ASTN1: variants seen among roughly 807,000 people sequenced by gnomAD.
The protein encoded by ASTN1 is astrotactin 1.
ASTN1 carries 41 observed loss-of-function variants against 140.7 expected under a neutral mutation model. The observed-to-expected ratio is 0.29, with a 90% CI of 0.23 to 0.38. ASTN1 has a LOEUF of 0.38. Ranked by LOEUF, ASTN1 falls within the 10% of genes least tolerant of loss-of-function variation. ASTN1 has a pLI of 1.00. For synonymous variants in ASTN1, 640 were observed against 652.2 expected, an observed-to-expected ratio of 0.98 and a Z score of 0.29; for missense variants, 1,479 against 1,678.8, an observed-to-expected ratio of 0.88 and a Z score of 2.08.
intron 2 of ASTN1, among the ~76,000 whole-genome samples, chr1:177,044,507 T>C (rs903840588): frequency 6.6e-6 from 1 of 152,204 alleles, no homozygotes; most frequent in Non-Finnish European, 1.5e-5. Context: ...GGCGCAGGCC[T>C]GGCGCTCACC....
chr1:177,021,199 T>C (rs1343754618), intron 7 of ASTN1, among the ~76,000 whole-genome samples: 3 of 152,246 alleles, frequency 2.0e-5, no homozygotes, highest in Non-Finnish European at 4.4e-5. Flanking sequence ...AAAATGAAGA[T>C]GCTGCACCTT....
intron 1 of ASTN1, among the ~76,000 whole-genome samples, chr1:177,109,822 C>T (rs1680733665): frequency 6.6e-6 from 1 of 152,184 alleles, no homozygotes; most frequent in African/African-American, 2.4e-5. Context: ...TAGAGAATCA[C>T]AATTCTCTCC....
chr1:176,993,221 G>A (rs1674272513), intron 8 of ASTN1, among the ~76,000 whole-genome samples: 1 of 152,308 alleles, frequency 6.6e-6, no homozygotes, highest in Non-Finnish European at 1.5e-5. Flanking sequence ...AACAGCTACT[G>A]TATGACTTAG....
At chr1:176,902,524 T>C (rs1669813116) in intron 16 of ASTN1, among the ~76,000 whole-genome samples, 1 of 152,220 alleles carries the variant, frequency 6.6e-6, no homozygotes, top group South Asian at 2.1e-4. Flanking sequence ...TAGGTTTATG[T>C]TAAACTGAGG....
In ASTN1 at chr1:176,864,338, C is replaced by T; in HGVS notation, c.3831G>A (p.Glu1277=). 1 of 1,614,102 alleles carries T rather than the reference C, an allele frequency of 6.2e-7. No homozygotes were observed. Among genetic ancestry groups the T allele is most frequent in the Non-Finnish European group, 8.5e-7 (1 of 1,180,004 alleles). The change falls in exon 23 of 23, where the codon GAG becomes GAA. Residue 1277 remains glutamate, a synonymous_variant. Transcript: ENST00000361833. ...TGTAGGGGATACTCAGGGTCTGCTC[C>T]TCACACGTCTTCCTGAGGTCCCGGC... is the stretch of plus-strand genomic sequence containing the variant. ...ELSRDLRKTC[E]EQTLSIPYND...
intron 9 of ASTN1, among the ~76,000 whole-genome samples, chr1:176,959,889 T>C (rs1672581212): frequency 6.6e-6 from 1 of 151,976 alleles, no homozygotes; most frequent in Non-Finnish European, 1.5e-5. Flanking sequence ...CTCACAGGAG[T>C]ATCAAGCAGT....
Position 177,014,797 on chromosome 1 carries a change from T to G in ASTN1, c.1517A>C (p.Asn506Thr), listed in dbSNP as rs762428074. The G allele has an allele frequency of 4.4e-5, 71 of 1,613,312 alleles. No homozygotes were observed. Among genetic ancestry groups the G allele is most frequent in the Non-Finnish European group, 5.8e-5 (68 of 1,179,472 alleles). ...TCGTCATGCCCTCACTTACCCCTGG[T>G]TTGTCCCCCATTCGTTCCGAATGCA... ...HLCIRNEWGT[N>T]QGPWPYTIFQ... The change falls in exon 8 of 23, where the codon AAC (asparagine) becomes ACC (threonine). Residue 506 changes from asparagine to threonine, a missense_variant. Coordinates refer to ENST00000361833, the MANE Select transcript of ASTN1 (RefSeq NM_004319.3).
rs534510812 is a variant in ASTN1, at chr1:176,922,282, C to T, written c.2671+11870G>A. ...GAGGAATCAGAGTTATCTGCACCTG[C>T]ATTTGTATGCAGCCTGTGGAACCAG... On this transcript the variant is annotated intron_variant, in intron 16 of 22. Coordinates refer to ENST00000361833, the MANE Select transcript of ASTN1 (RefSeq NM_004319.3). Among the ~76,000 whole-genome samples the T allele has an allele frequency of 7.9e-4, 121 of 152,264 alleles. No individual in the cohort carries two copies. In the Middle Eastern group the frequency reaches 0.02, roughly 26 times the overall value.
intron 1 of ASTN1, among the ~76,000 whole-genome samples, chr1:177,077,707 C>A (rs532091443): frequency 1.4e-3 from 215 of 152,290 alleles, no homozygotes; most frequent in South Asian, 4.6e-3. Context: ...AGACAGTAGG[C>A]CAGTGCCTCG....
intron 16 of ASTN1, among the ~76,000 whole-genome samples, chr1:176,912,681 C>T (rs957356611): frequency 6.6e-6 from 1 of 152,136 alleles, no homozygotes; most frequent in Non-Finnish European, 1.5e-5. Context: ...TTCTTTTAAC[C>T]ACTAAGCTAT....
intron 16 of ASTN1, among the ~76,000 whole-genome samples, chr1:176,929,648 C>A (rs1270654157): frequency 2.0e-5 from 3 of 152,146 alleles, no homozygotes; most frequent in African/African-American, 7.2e-5. Flanking sequence ...GCTGTTCGTG[C>A]TGAGAAGGCA....
chr1:177,081,739 A>G (rs953172378), intron 1 of ASTN1, among the ~76,000 whole-genome samples: 8 of 152,144 alleles, frequency 5.3e-5, no homozygotes, highest in Admixed American at 5.2e-4. Context: ...AGAGGATATC[A>G]TGTTCCCTGT....
At chr1:176,933,484 G>A (rs1158562891) in intron 16 of ASTN1, among the ~76,000 whole-genome samples, 1 of 152,160 alleles carries the variant, frequency 6.6e-6, no homozygotes, top group African/African-American at 2.4e-5. Context: ...TGGTTGATCA[G>A]ATACAAATAT....
chr1:177,029,706 C>T lies in ASTN1; in HGVS notation c.1048G>A (p.Gly350Ser). Residue 350 changes from glycine (G) to serine (S), a missense_variant, in exon 5 of 23, where the codon GGC becomes AGC. Gly to Ser is a moderately conservative substitution (Grantham distance 56). Around this residue, in one of 3 missense-constraint regions of ASTN1, gnomAD observed 729 missense variants for 860.4 expected, o/e 0.85. Transcript: ENST00000361833. Reference protein sequence around the residue: ...SAFLNPEGDSGTEAENDPQLT... With the variant: ...SAFLNPEGDSSTEAENDPQLT... ...TGGGGGTCGTTTTCTGCCTCTGTGCCAGAATCCCCTTCAGGGTTCAAGAAG... is the reference window on the plus strand; with the variant it reads ...TGGGGGTCGTTTTCTGCCTCTGTGCTAGAATCCCCTTCAGGGTTCAAGAAG... The T allele has an allele frequency of 1.2e-6, 2 of 1,613,448 alleles. No homozygotes were observed. The highest frequency in any genetic ancestry group is 1.7e-6 in the Non-Finnish European group (2 of 1,179,722).
chr1:176,985,809 C>T (rs1191920144), intron 8 of ASTN1, among the ~76,000 whole-genome samples: 1 of 149,894 alleles, frequency 6.7e-6, no homozygotes, highest in Non-Finnish European at 1.5e-5. Flanking sequence ...CATCTTTAGT[C>T]CTAGCTATTT....
chr1:176,984,321 T>C (rs1464478000), intron 8 of ASTN1, among the ~76,000 whole-genome samples: 1 of 152,190 alleles, frequency 6.6e-6, no homozygotes, highest in East Asian at 1.9e-4. Flanking sequence ...CTTTCTCCAA[T>C]TTTAAGTGAT....
intron 1 of ASTN1, among the ~76,000 whole-genome samples, chr1:177,097,100 T>G (rs1292263486): frequency 6.6e-6 from 1 of 152,066 alleles, no homozygotes; most frequent in Non-Finnish European, 1.5e-5. Context: ...CTAAATAAAC[T>G]AAGACAAAAA....
intron 8 of ASTN1, among the ~76,000 whole-genome samples, chr1:176,966,642 A>G (rs1247269382): frequency 6.6e-6 from 1 of 152,174 alleles, no homozygotes; most frequent in Non-Finnish European, 1.5e-5. Context: ...AATCACCAAT[A>G]CAGCACATGT....
At chr1:177,033,907 G>T (rs71628224) in intron 2 of ASTN1, among the ~76,000 whole-genome samples, 1 of 152,080 alleles carries the variant, frequency 6.6e-6, no homozygotes, top group South Asian at 2.1e-4. Context: ...CATGGCACTC[G>T]GTGGGCATAA....
Sources: allele counts gnomAD v4.1 joint callset (sites outside exome capture counted in the v4.1 genomes callset), GRCh38; gene constraint gnomAD v4.1.1; regional missense constraint gnomAD v4.1.1; transcripts MANE v1.5; gene names NCBI Gene and HGNC (gene_info 2026-07-23, HGNC 2026-07-21).